The following BDP1 variants were observed in gnomAD, a reference collection of about 807,000 sequenced individuals.
BDP1 encodes the protein BDP1 general transcription factor IIIB subunit, also known as transcription factor TFIIIB component B'' homolog.
A neutral mutation model predicts 266.6 loss-of-function variants in BDP1; 169 were observed. The observed-to-expected ratio is 0.63, with a 90% CI of 0.56 to 0.72. The LOEUF (loss-of-function observed/expected upper bound fraction) is 0.72. Ranked by LOEUF, BDP1 falls within the 30% of genes least tolerant of loss-of-function variation. BDP1 has a pLI of 0.00. For synonymous variants in BDP1, 1,090 were observed against 1,022.4 expected (o/e 1.07, Z -1.26); for missense variants, 3,015 against 3,053.8 (o/e 0.99, Z 0.30).
At chr5:71,468,294 C>G (rs1342444077) in intron 6 of BDP1, among the ~76,000 whole-genome samples, 1 of 151,966 alleles carries the variant, frequency 6.6e-6, no homozygotes, top group Non-Finnish European at 1.5e-5. Flanking sequence ...GCTGGGATTA[C>G]AGGCATGAGC....
intron 30 of BDP1, 66 bp from the exon 31 acceptor site, chr5:71,544,291 G>A (rs890247103): frequency 5.5e-6 from 8 of 1,447,176 alleles, no homozygotes; most frequent in Non-Finnish European, 7.5e-6. Flanking sequence ...GAGGGCATAT[G>A]TTTCTAATAC....
chr5:71,553,454 A>G, intron 35 of BDP1, 134 bp downstream of exon 35: 3 of 590,744 alleles, frequency 5.1e-6, no homozygotes, highest in Non-Finnish European at 8.5e-6. Context: ...GACATTTATC[A>G]TCATAAGTTA....
At chr5:71,548,823 A>G (rs1336352003) in intron 33 of BDP1, 78 bp downstream of exon 33, 4 of 1,048,082 alleles carry the variant, frequency 3.8e-6, no homozygotes, top group South Asian at 2.8e-5. Flanking sequence ...ATGGAAAAAC[A>G]TAAAACAGTT....
At position 71,510,899 on chromosome 5, in the gene BDP1, A is replaced by C; in HGVS notation, c.3807A>C (p.Ser1269=). 6.2e-7 allele frequency: 1 copy of C among 1,613,844 alleles called. No individual in the cohort carries two copies. Among genetic ancestry groups the C allele is most frequent in the Admixed American group, 1.7e-5 (1 of 59,996 alleles). The stretch of plus-strand genomic sequence containing the variant: ...ACATTCCCATCATGGAGAAAGTATC[A>C]GGAAAGATGGCTGTTGTTGAAGAAA... ...KRDIPIMEKV[S]GKMAVVEEME... The change falls in exon 17 of 39, where the codon TCA becomes TCC. Residue 1269 remains serine (S), a synonymous_variant. Transcript: ENST00000358731.
Position 71,566,190 on chromosome 5 carries a change from T to G in BDP1, c.*1305T>G, listed in dbSNP as rs1047106702. 4 of 153,198 alleles carry G rather than the reference T, an allele frequency of 2.6e-5. No homozygotes were observed. The highest frequency in any genetic ancestry group is 2.0e-4 in the Admixed American group (3 of 15,270). The allele number at this position is 153,198 out of a possible 1,614,324, so 9.5% of individuals were successfully genotyped here. ...GAGGATAGGGGGAACTCAACTTTAT[T>G]TATGAGACAAAATTTCCATACAAAG... On this transcript the variant is annotated 3_prime_UTR_variant, in exon 39 of 39. Coordinates refer to ENST00000358731, the MANE Select transcript of BDP1 (RefSeq NM_018429.3).
chr5:71,468,847 TC>T (rs1331122554), intron 6 of BDP1, among the ~76,000 whole-genome samples: 2 of 151,858 alleles, frequency 1.3e-5, no homozygotes, highest in East Asian at 3.9e-4. Context: ...CCTCAGGTGA[TC>T]CGCCTGCCTC....
intron 22 of BDP1, among the ~76,000 whole-genome samples, chr5:71,517,796 G>C (rs1047350904): frequency 6.6e-6 from 1 of 152,132 alleles, no homozygotes; most frequent in African/African-American, 2.4e-5. Context: ...AGGCGCAGTG[G>C]TTCACGCCTG....
At chr5:71,538,697 T>C (rs988749781) in intron 26 of BDP1, among the ~76,000 whole-genome samples, 2 of 152,208 alleles carry the variant, frequency 1.3e-5, no homozygotes, top group African/African-American at 2.4e-5. Context: ...GGCCTTGGTT[T>C]CCATTGGGTA....
chr5:71,543,555 C>T (rs529199460), intron 30 of BDP1, among the ~76,000 whole-genome samples: 3 of 152,228 alleles, frequency 2.0e-5, no homozygotes, highest in Admixed American at 6.5e-5. Flanking sequence ...GCACTCTAGC[C>T]TGGGTGACAG....
intron 7 of BDP1, among the ~76,000 whole-genome samples, chr5:71,481,022 A>C (rs1361847954): frequency 2.6e-5 from 4 of 152,096 alleles, no homozygotes; most frequent in Non-Finnish European, 5.9e-5. Context: ...AAAATGTGAA[A>C]AATTAGCCAG....
chr5:71,561,548 C>CAGCT (rs1373398645), intron 37 of BDP1, among the ~76,000 whole-genome samples: 1 of 152,208 alleles, frequency 6.6e-6, no homozygotes, highest in Non-Finnish European at 1.5e-5. Context: ...TCTCTGTTAA[C>CAGCT]AGCTATTCAG....
Position 71,566,252 on chromosome 5 carries a change from G to A in BDP1, c.*1367G>A, listed in dbSNP as rs1219613224. The A allele has an allele frequency of 1.3e-5, 2 of 152,522 alleles. No homozygotes were observed. Among genetic ancestry groups the A allele is most frequent in the Non-Finnish European group, 2.9e-5 (2 of 68,056 alleles). 9.4% of individuals were successfully genotyped at this position (152,522 alleles called of 1,614,324 possible). ...TTATACACCCACAGACATAATATTA[G>A]TTTTTAAAAAGCCAATTTCTTCATA... On this transcript the variant is annotated 3_prime_UTR_variant, in exon 39 of 39. Transcript: ENST00000358731.
intron 35 of BDP1, among the ~76,000 whole-genome samples, chr5:71,556,514 G>A (rs758270249): frequency 6.6e-6 from 1 of 152,042 alleles, no homozygotes; most frequent in Non-Finnish European, 1.5e-5. Context: ...AAATACAGAT[G>A]ATTTTTCTCC....
rs1201113867 is a variant in BDP1, at chr5:71,511,100, A to G, written c.4008A>G (p.Leu1336=). ...CCTCAAGACAAACTGACACACATTT[A>G]ATGCAGAGCGGTAGCAATGACTTCA... ...TSTSRQTDTH[L]MQSGSNDFSA... Residue 1336 remains leucine, a synonymous_variant, in exon 17 of 39, where the codon TTA becomes TTG. Transcript: ENST00000358731. The G allele has an allele frequency of 3.1e-6, 5 of 1,614,138 alleles. No individual in the cohort carries two copies. Among genetic ancestry groups the G allele is most frequent in the Non-Finnish European group, 3.4e-6 (4 of 1,179,974 alleles).
intron 11 of BDP1, among the ~76,000 whole-genome samples, chr5:71,491,467 A>G (rs1763590710): frequency 6.6e-6 from 1 of 151,674 alleles, no homozygotes; most frequent in Non-Finnish European, 1.5e-5. Flanking sequence ...GTTAGTTTGA[A>G]TGTGATGTGT....
rs762010757 is a variant in BDP1, at chr5:71,512,245, T to G, written c.4064T>G (p.Ile1355Ser). The G allele has an allele frequency of 6.8e-7, 1 of 1,475,938 alleles. No homozygotes were observed. The highest frequency in any genetic ancestry group is 9.0e-7 in the Non-Finnish European group (1 of 1,113,456). The allele number at this position is 1,475,938 out of a possible 1,614,324, so 91.4% of individuals were successfully genotyped here. A position where few individuals can be genotyped will look rare whatever the true frequency, so the allele number is the denominator to read the frequency against. ...TTACTATGACTGTTCCTCTAGAACA[T>G]TAGCAGTGAAGTACTGTCGATGATG... ...SAVPSLDIQN[I>S]SSEVLSMMHT... Residue 1355 changes from isoleucine to serine, a missense_variant, in exon 18 of 39, where the codon ATT becomes AGT. Physicochemically the swap from Ile to Ser is moderately radical, Grantham distance 142 (BLOSUM62 -2). Around this residue, in one of 3 missense-constraint regions of BDP1, gnomAD observed 2,383 missense variants for 2,404.9 expected, o/e 0.99. Coordinates refer to ENST00000358731, the MANE Select transcript of BDP1 (RefSeq NM_018429.3).
intron 35 of BDP1, among the ~76,000 whole-genome samples, chr5:71,553,816 C>A (rs189771215): frequency 3.9e-5 from 6 of 152,324 alleles, no homozygotes; most frequent in African/African-American, 1.4e-4. Flanking sequence ...GTGCCAGCTT[C>A]TGCCTCACTT....
Position 71,517,330 on chromosome 5 carries a change from T to G in BDP1, c.4869T>G (p.Ser1623=), listed in dbSNP as rs1414480410. 1.9e-6 allele frequency: 3 copies of G among 1,597,948 alleles called. No individual in the cohort carries two copies. Among genetic ancestry groups the G allele is most frequent in the Non-Finnish European group, 2.6e-6 (3 of 1,175,458 alleles). The part of the protein sequence containing the change: ...TEKKVLTVSN[S]QIETEIEVPS... The stretch of plus-strand genomic sequence containing the variant: ...TGATTTTGTCTTTTCAGTCAAATTC[T>G]CAAATTGAAACTGAAATTGAAGTTC... The change falls in exon 22 of 39, where the codon TCT becomes TCG. Residue 1623 remains serine (S), a synonymous_variant. Transcript: ENST00000358731.
intron 35 of BDP1, among the ~76,000 whole-genome samples, chr5:71,554,277 C>A (rs917380753): frequency 1.3e-5 from 2 of 152,146 alleles, no homozygotes; most frequent in Non-Finnish European, 2.9e-5. Flanking sequence ...TTTCTATGAA[C>A]TGACTTTTCC....
Sources: gnomAD v4.1 joint callset for allele counts (sites outside exome capture counted in the v4.1 genomes callset) on GRCh38, gnomAD v4.1.1 for gene constraint, gnomAD v4.1.1 regional missense constraint, MANE v1.5 for transcripts, NCBI Gene and HGNC (gene_info 2026-07-23, HGNC 2026-07-21) for gene names.